EIF4A2: variants seen among roughly 807,000 people sequenced by gnomAD.
EIF4A2 encodes the protein eukaryotic initiation factor 4A-II.
EIF4A2 carries 9 observed loss-of-function variants against 50.6 expected under a neutral mutation model. The observed-to-expected ratio is 0.18, with a 90% CI of 0.11 to 0.31. The LOEUF (loss-of-function observed/expected upper bound fraction) is 0.31, where lower values mean the gene tolerates loss of function less well. Among genes scored for constraint, EIF4A2 ranks in the 10% least tolerant of loss-of-function variants. The pLI is 1.00. For missense variants in EIF4A2, 182 were observed against 501.8 expected (o/e 0.36, Z 6.09); for synonymous variants, 215 against 164.4 (o/e 1.31, Z -2.35).
At chr3:186,784,390 T>G (rs972200863) in intron 1 of EIF4A2, 42 bp from the exon 2 acceptor site, 4 of 1,613,778 alleles carry the variant, frequency 2.5e-6, no homozygotes, top group Non-Finnish European at 3.4e-6. Flanking sequence ...GCAGTTGAGG[T>G]GGCCTGGAAG....
At chr3:186,784,863 T>G (rs774164716) in intron 3 of EIF4A2, 99 bp from the exon 4 acceptor site, 2 of 1,605,580 alleles carry the variant, frequency 1.2e-6, no homozygotes, top group East Asian at 2.2e-5. Context: ...TGCTGATCAC[T>G]TGATTATTTG....
In EIF4A2 at chr3:186,785,863, AATT is replaced by A. The variant is rs1721675626; in HGVS notation, c.349-18_349-16del. The A allele has an allele frequency of 1.3e-6, 2 of 1,581,650 alleles. No individual in the cohort carries two copies. Among genetic ancestry groups the A allele is most frequent in the Non-Finnish European group, 1.7e-6 (2 of 1,157,014 alleles). ...TGATCCTGGAGTTCTGCGGAATAAT[AATT>A]AAGGCTTGGGTTTTAGATCCAAAAG... On this transcript the variant is annotated splice_polypyrimidine_tract_variant and intron_variant, in intron 4 of 10. Transcript: ENST00000323963.
At chr3:186,787,983 AGTCAGTAGT>A in intron 10 of EIF4A2, 101 bp downstream of exon 10, 1 of 1,247,910 alleles carries the variant, frequency 8.0e-7, no homozygotes, top group Non-Finnish European at 1.1e-6. Context: ...GATTCAGTAA[AGTCAGTAGT>A]GTTCAGTAAG....
intron 4 of EIF4A2, 164 bp downstream of exon 4, chr3:186,785,265 G>T (rs1579157961): frequency 7.4e-6 from 7 of 950,162 alleles, no homozygotes; most frequent in African/African-American, 1.7e-5. Flanking sequence ...AAAGAACTGG[G>T]TATGCAGGTA....
intron 10 of EIF4A2, chr3:186,788,803 C>CACCT (rs1419423165): frequency 3.5e-6 from 1 of 282,944 alleles, no homozygotes; most frequent in African/African-American, 2.2e-5. Flanking sequence ...CCCAGGCTGA[C>CACCT]ACCTGCTCTT....
chr3:186,789,677 G>GT lies in EIF4A2; in HGVS notation c.*409dup, dbSNP rs1392565666. 38 of 371,824 alleles carry GT rather than the reference G, an allele frequency of 1.0e-4. No individual in the cohort carries two copies. The highest frequency in any genetic ancestry group is 7.5e-4 in the Middle Eastern group (1 of 1,342). The allele number at this position is 371,824 out of a possible 1,614,324, so 23.0% of individuals were successfully genotyped here. ...TTTATTGTGTTTGTCATTAGCCTGA[G>GT]TAGAAAGGCCTTTAAAATTTTTTTA... On this transcript the variant is annotated 3_prime_UTR_variant, in exon 11 of 11. Coordinates refer to ENST00000323963, the MANE Select transcript of EIF4A2 (RefSeq NM_001967.4).
At position 186,783,583 on chromosome 3, in the gene EIF4A2, A is replaced by G. The variant is rs760670038; in HGVS notation, c.-28A>G. 6.2e-7 allele frequency: 1 copy of G among 1,614,148 alleles called. No homozygotes were observed. The highest frequency in any genetic ancestry group is 8.5e-7 in the Non-Finnish European group (1 of 1,180,034). On this transcript the variant is annotated 5_prime_UTR_variant, in exon 1 of 11. Coordinates refer to ENST00000323963, the MANE Select transcript of EIF4A2 (RefSeq NM_001967.4). ...GGTGGTTGGGCGCCGCTGTCTTTTCAGTCGGGCGCTGAGTGGTTTTTCGGA... is the reference window on the plus strand; with the variant it reads ...GGTGGTTGGGCGCCGCTGTCTTTTCGGTCGGGCGCTGAGTGGTTTTTCGGA...
rs1722002258 is a variant in EIF4A2 at position 186,789,697 on chromosome 3, TTTTTAG to T, written c.*429_*434del. On this transcript the variant is annotated 3_prime_UTR_variant, in exon 11 of 11. Transcript: ENST00000323963. Reference sequence around the variant, plus strand: ...CCTGAGTAGAAAGGCCTTTAAAATTTTTTTAGAAAGCATTTGAATGCATTTTGTTTG... The same window carrying T: ...CCTGAGTAGAAAGGCCTTTAAAATTTAAAGCATTTGAATGCATTTTGTTTG... 3 of 378,162 alleles carry T rather than the reference TTTTTAG, an allele frequency of 7.9e-6. No homozygotes were observed. Among genetic ancestry groups the T allele is most frequent in the African/African-American group, 6.3e-5 (3 of 47,994 alleles). The allele number at this position is 378,162 out of a possible 1,614,324, so 23.4% of individuals were successfully genotyped here.
rs1207024282 is a variant in EIF4A2 at position 186,784,942 on chromosome 3, G to A, written c.209-20G>A. On this transcript the variant is annotated intron_variant, in intron 3 of 10. Coordinates refer to ENST00000323963, the MANE Select transcript of EIF4A2 (RefSeq NM_001967.4). The stretch of plus-strand genomic sequence containing the variant: ...ACAATTTGATGTGGGATCGGTAAAT[G>A]TGTATCCTACTTTTTTTAGGGTATG... 4.3e-6 allele frequency: 7 copies of A among 1,614,068 alleles called. No individual in the cohort carries two copies. The Admixed American group carries it at 1.0e-4, about 23-fold the overall frequency.
At position 186,783,751 on chromosome 3, in the gene EIF4A2, G is replaced by C. The variant is rs142863158; in HGVS notation, c.29+112G>C. 68 of 1,537,986 alleles carry C rather than the reference G, an allele frequency of 4.4e-5. No homozygotes were observed. In the African/African-American group the frequency reaches 8.3e-4, roughly 19 times the overall value. ...TCTAAATTAATGGACGTTTTCTTAGGGTACAGCACTCCTGTGCCCTTCCAG... is the reference window on the plus strand; with the variant it reads ...TCTAAATTAATGGACGTTTTCTTAGCGTACAGCACTCCTGTGCCCTTCCAG... On this transcript the variant is annotated intron_variant, in intron 1 of 10. Transcript: ENST00000323963.
chr3:186,784,546 A>T lies in EIF4A2; in HGVS notation c.76-18A>T. 1 of 1,614,050 alleles carries T rather than the reference A, an allele frequency of 6.2e-7. No homozygotes were observed. The highest frequency in any genetic ancestry group is 1.1e-5 in the South Asian group (1 of 91,084). On this transcript the variant is annotated intron_variant, in intron 2 of 10. Transcript: ENST00000323963. ...TGTTCATCTCATTTATGCGTGCATTATTTTTTCTAACTTACAGAGCAACTG... is the reference window on the plus strand; with the variant it reads ...TGTTCATCTCATTTATGCGTGCATTTTTTTTTCTAACTTACAGAGCAACTG...
intron 10 of EIF4A2, 155 bp downstream of exon 10, chr3:186,788,037 T>G: frequency 1.1e-6 from 1 of 873,256 alleles, no homozygotes; most frequent in East Asian, 2.7e-5. Flanking sequence ...GGAAGGTTGA[T>G]GAGAACAAAG....
chr3:186,788,871 C>T (rs1417408984), intron 10 of EIF4A2: 2 of 435,374 alleles, frequency 4.6e-6, no homozygotes, highest in Non-Finnish European at 8.0e-6. Flanking sequence ...ATACTGTCAT[C>T]TGCTTTATAA....
At chr3:186,785,709 A>C (rs1361102128) in intron 4 of EIF4A2, 174 bp from the exon 5 acceptor site, 4 of 727,842 alleles carry the variant, frequency 5.5e-6, no homozygotes, top group Non-Finnish European at 8.6e-6. Context: ...GAAAGACATT[A>C]AGGGAATTTT....
At chr3:186,788,938 C>T (rs924344304) in intron 10 of EIF4A2, 187 bp from the exon 11 acceptor site, 10 of 715,318 alleles carry the variant, frequency 1.4e-5, no homozygotes, top group African/African-American at 3.7e-5. Context: ...GCCTTGAATC[C>T]TTTTGGCACT....
At chr3:186,787,429 C>G (rs769012600) in intron 8 of EIF4A2, 66 bp from the exon 9 acceptor site, 1 of 1,609,292 alleles carries the variant, frequency 6.2e-7, no homozygotes, top group Non-Finnish European at 8.5e-7. Flanking sequence ...TGGTCTCATA[C>G]ATGTTGATTA....
In EIF4A2 at chr3:186,786,266, G is replaced by C. The variant is rs749201932; in HGVS notation, c.620G>C (p.Ser207Thr). Reference sequence around the variant, plus strand: ...GAGATTTTCCAAAAACTAAACACAAGTATTCAGGTAAGCATTACTTCACCC... The same window carrying C: ...GAGATTTTCCAAAAACTAAACACAACTATTCAGGTAAGCATTACTTCACCC... Reference protein sequence around the residue: ...IYEIFQKLNTSIQVVLLSATM... With the variant: ...IYEIFQKLNTTIQVVLLSATM... The change falls in exon 6 of 11, where the codon AGT (serine) becomes ACT (threonine). Residue 207 changes from serine to threonine, a missense_variant. Transcript: ENST00000323963. 1.2e-6 allele frequency: 2 copies of C among 1,612,826 alleles called. No homozygotes were observed. Among genetic ancestry groups the C allele is most frequent in the African/African-American group, 2.7e-5 (2 of 74,886 alleles).
At chr3:186,783,786 T>C (rs1721510411) in intron 1 of EIF4A2, 147 bp downstream of exon 1, 1 of 1,309,384 alleles carries the variant, frequency 7.6e-7, no homozygotes, top group Admixed American at 1.9e-5. Flanking sequence ...GAAGCTTCCA[T>C]GATGGGTAGG....
chr3:186,789,686 C>A lies in EIF4A2; in HGVS notation c.*417C>A. 1 of 370,612 alleles carries A rather than the reference C, an allele frequency of 2.7e-6. No individual in the cohort carries two copies. The highest frequency in any genetic ancestry group is 4.9e-6 in the Non-Finnish European group (1 of 205,186). The allele number at this position is 370,612 out of a possible 1,614,324, so 23.0% of individuals were successfully genotyped here. ...TTTGTCATTAGCCTGAGTAGAAAGG[C>A]CTTTAAAATTTTTTTAGAAAGCATT... On this transcript the variant is annotated 3_prime_UTR_variant, in exon 11 of 11. Transcript: ENST00000323963.
Sources: gnomAD v4.1 joint callset for allele counts on GRCh38, gnomAD v4.1.1 for gene constraint, MANE v1.5 for transcripts, NCBI Gene and HGNC (gene_info 2026-07-23, HGNC 2026-07-21) for gene names.